FNIP1: variants seen among roughly 807,000 people sequenced by gnomAD.
FNIP1 encodes folliculin-interacting protein 1.
In FNIP1, 40 loss-of-function variants were observed where a neutral mutation model predicts 124.5. That is an observed-to-expected ratio of 0.32 (90% CI 0.25 to 0.42). FNIP1 has a LOEUF of 0.42. Ranked by LOEUF, FNIP1 falls within the 10% of genes least tolerant of loss-of-function variation. FNIP1 has a pLI of 1.00. For synonymous variants in FNIP1, 472 were observed against 470.6 expected, an observed-to-expected ratio of 1.00 and a Z score of -0.04; for missense variants, 1,176 against 1,403.7, an observed-to-expected ratio of 0.84 and a Z score of 2.59.
At chr5:131,706,375 A>G (rs932045454) in intron 9 of FNIP1, 36 bp downstream of exon 9, 2 of 1,566,198 alleles carry the variant, frequency 1.3e-6, no homozygotes, top group Non-Finnish European at 1.7e-6. Flanking sequence ...TTAAGGAACT[A>G]CTCAATCTTG....
At chr5:131,704,907 C>T (rs1421208902) in intron 9 of FNIP1, among the ~76,000 whole-genome samples, 1 of 151,746 alleles carries the variant, frequency 6.6e-6, no homozygotes, top group African/African-American at 2.4e-5. Flanking sequence ...ACACAAAAGG[C>T]ACAGTCAACA....
At chr5:131,769,859 G>A (rs1289331368) in intron 1 of FNIP1, among the ~76,000 whole-genome samples, 1 of 152,126 alleles carries the variant, frequency 6.6e-6, no homozygotes, top group African/African-American at 2.4e-5. Context: ...ACATGACTAC[G>A]AGAAAATCAA....
chr5:131,698,674 CTGGTCATATT>C (rs1768787596), intron 11 of FNIP1, among the ~76,000 whole-genome samples: 1 of 152,110 alleles, frequency 6.6e-6, no homozygotes, highest in Non-Finnish European at 1.5e-5. Context: ...AGGGTCTTTC[CTGGTCATATT>C]TGCTTGTCAA....
rs866053475 is a variant in FNIP1, at chr5:131,779,681, C to T, written c.92+17149G>A. ...CCAGCCTGGGCAACAGAGTGAGATT[C>T]TGTTTCAAAAAAAAAAAAAAAAGAA... is the stretch of plus-strand genomic sequence containing the variant. On this transcript the variant is annotated intron_variant, in intron 1 of 17. Coordinates refer to ENST00000510461, the MANE Select transcript of FNIP1 (RefSeq NM_133372.3). Among the ~76,000 whole-genome samples, 146 of 135,066 alleles carry T rather than the reference C, an allele frequency of 1.1e-3. No homozygotes were observed. In the Middle Eastern group the frequency reaches 0.016, roughly 15 times the overall value. 88.6% of individuals were successfully genotyped at this position (135,066 alleles called of 152,430 possible).
chr5:131,683,162 T>C (rs1007343991), intron 11 of FNIP1, among the ~76,000 whole-genome samples: 4 of 152,212 alleles, frequency 2.6e-5, no homozygotes, highest in Non-Finnish European at 2.9e-5. Context: ...AAGAAGTACA[T>C]TTATCTCTTG....
At position 131,735,474 on chromosome 5, in the gene FNIP1, T is replaced by C. The variant is rs560058597; in HGVS notation, c.220-4436A>G. Among the ~76,000 whole-genome samples the C allele has an allele frequency of 4.8e-3, 708 of 149,038 alleles. 4 individuals carry two copies. Among genetic ancestry groups the C allele is most frequent in the African/African-American group, 0.016 (672 of 40,852 alleles). On this transcript the variant is annotated intron_variant, in intron 2 of 17. Coordinates refer to ENST00000510461, the MANE Select transcript of FNIP1 (RefSeq NM_133372.3). ...AAAGTATTTTATATATATACACACA[T>C]ACGTATATATGTATATATACGTATA...
chr5:131,689,713 G>A (rs1190244820), intron 11 of FNIP1, among the ~76,000 whole-genome samples: 1 of 152,128 alleles, frequency 6.6e-6, no homozygotes, highest in East Asian at 1.9e-4. Flanking sequence ...GCGTTTAACT[G>A]CTTAAAACCA....
At chr5:131,681,806 T>C (rs1275217610) in intron 11 of FNIP1, among the ~76,000 whole-genome samples, 2 of 112,912 alleles carry the variant, frequency 1.8e-5, no homozygotes, top group East Asian at 2.5e-4. Context: ...ACAGAATAAA[T>C]TGTAAAAGAA....
At chr5:131,781,338 T>G (rs542134184) in intron 1 of FNIP1, among the ~76,000 whole-genome samples, 1 of 152,314 alleles carries the variant, frequency 6.6e-6, no homozygotes, top group South Asian at 2.1e-4. Context: ...TAACAGATTA[T>G]CAGTGTAGAC....
At chr5:131,694,879 C>T (rs143903873) in intron 11 of FNIP1, among the ~76,000 whole-genome samples, 2 of 152,134 alleles carry the variant, frequency 1.3e-5, no homozygotes, top group East Asian at 3.9e-4. Flanking sequence ...CCAAGGCACA[C>T]AGATCACTTG....
At chr5:131,745,172 T>C (rs924760355) in intron 1 of FNIP1, among the ~76,000 whole-genome samples, 1 of 147,264 alleles carries the variant, frequency 6.8e-6, no homozygotes, top group Non-Finnish European at 1.5e-5. Flanking sequence ...AAAAAAAAAG[T>C]GGAGAGCAAT....
chr5:131,666,196 T>C (rs1490943568), intron 15 of FNIP1, among the ~76,000 whole-genome samples: 1 of 152,186 alleles, frequency 6.6e-6, no homozygotes, highest in African/African-American at 2.4e-5. Context: ...CAAATAATTT[T>C]TTTAGAAATC....
At chr5:131,731,654 A>C (rs1424967751) in intron 2 of FNIP1, among the ~76,000 whole-genome samples, 1 of 149,756 alleles carries the variant, frequency 6.7e-6, no homozygotes, top group Non-Finnish European at 1.5e-5. Context: ...AAAAAAAAAC[A>C]AAAAAAAACC....
intron 1 of FNIP1, chr5:131,796,494 T>C: frequency 3.0e-6 from 1 of 330,196 alleles, no homozygotes; most frequent in Non-Finnish European, 5.6e-6. Context: ...CGCGCCCAAC[T>C]CTACTCGGTG....
chr5:131,730,835 C>T (rs1392508847), intron 3 of FNIP1, 69 bp downstream of exon 3: 4 of 1,293,706 alleles, frequency 3.1e-6, no homozygotes, highest in East Asian at 4.8e-5. Context: ...TATATCTCCA[C>T]AGTCCACTGG....
At chr5:131,718,365 C>G (rs921171671) in intron 5 of FNIP1, among the ~76,000 whole-genome samples, 2 of 152,028 alleles carry the variant, frequency 1.3e-5, no homozygotes, top group Non-Finnish European at 2.9e-5. Context: ...CTTGGGTTAC[C>G]CCCAGGGGCT....
intron 1 of FNIP1, among the ~76,000 whole-genome samples, chr5:131,771,515 GGA>G (rs889335131): frequency 6.6e-6 from 1 of 152,068 alleles, no homozygotes; most frequent in Non-Finnish European, 1.5e-5. Context: ...TTCCAAAACA[GGA>G]AAACCAGTAT....
chr5:131,644,754 G>A lies in FNIP1; in HGVS notation c.3432C>T (p.Ser1144=), dbSNP rs1009860041. ...CAGCAGCCAGAAGTGGAAGATCACT[G>A]GATTCAATCCTGAAATAAAGGGGAA... ...KELGVVLGIE[S]SDLPLLAAVA... Residue 1144 remains serine, a synonymous_variant, in exon 18 of 18, where the codon TCC becomes TCT. Coordinates refer to ENST00000510461, the MANE Select transcript of FNIP1 (RefSeq NM_133372.3). The A allele has an allele frequency of 6.2e-7, 1 of 1,613,754 alleles. No individual in the cohort carries two copies.
chr5:131,730,529 G>A (rs1342091254), intron 3 of FNIP1, among the ~76,000 whole-genome samples: 2 of 152,032 alleles, frequency 1.3e-5, no homozygotes, highest in Non-Finnish European at 2.9e-5. Context: ...TTACTTTTGA[G>A]AAATAAAACT....
Sources: allele counts gnomAD v4.1 joint callset (sites outside exome capture counted in the v4.1 genomes callset), GRCh38; gene constraint gnomAD v4.1.1; transcripts MANE v1.5; gene names NCBI Gene and HGNC (gene_info 2026-07-23, HGNC 2026-07-21).